Variants in SLCO3A1 observed in about 807,000 individuals in gnomAD.
SLCO3A1 encodes the protein solute carrier organic anion transporter family member 3A1.
Under a neutral mutation model 63.1 loss-of-function variants are expected in SLCO3A1, and 27 were observed. The ratio of observed to expected loss-of-function variants is 0.43; its 90% confidence interval spans 0.32 to 0.59. The LOEUF (loss-of-function observed/expected upper bound fraction) is 0.59. Ranked by LOEUF, SLCO3A1 falls within the 20% of genes least tolerant of loss-of-function variation. SLCO3A1 has a pLI of 0.09. For missense variants in SLCO3A1, 773 were observed against 945.8 expected, an observed-to-expected ratio of 0.82 and a Z score of 2.40; for synonymous variants, 473 against 409.9, an observed-to-expected ratio of 1.15 and a Z score of -1.86.
chr15:92,163,789 G>T lies in SLCO3A1; in HGVS notation c.*654G>T. The T allele has an allele frequency of 1.0e-6, 1 of 985,492 alleles. No homozygotes were observed. Among genetic ancestry groups the T allele is most frequent in the East Asian group, 1.1e-4 (1 of 8,792 alleles). The allele number at this position is 985,492 out of a possible 1,614,324, so 61.0% of individuals were successfully genotyped here. A position where few individuals can be genotyped will look rare whatever the true frequency, so the allele number is the denominator to read the frequency against. The stretch of plus-strand genomic sequence containing the variant: ...TCAGTGATGCTAATGGGTGATCCGT[G>T]CTGGAGTTTGTAATTGGCACCTCTC... On this transcript the variant is annotated 3_prime_UTR_variant, in exon 10 of 10. Transcript: ENST00000318445.
At chr15:92,034,791 T>G (rs1438992997) in intron 2 of SLCO3A1, among the ~76,000 whole-genome samples, 1 of 151,990 alleles carries the variant, frequency 6.6e-6, no homozygotes, top group African/African-American at 2.4e-5. Context: ...CTATGGGAAC[T>G]GTCATTGAGA....
intron 2 of SLCO3A1, among the ~76,000 whole-genome samples, chr15:92,093,439 C>T (rs1351229488): frequency 6.6e-6 from 1 of 152,152 alleles, no homozygotes; most frequent in Non-Finnish European, 1.5e-5. Flanking sequence ...GGGGTCTGCC[C>T]CCATGATCTA....
At chr15:92,050,654 A>T (rs1404869125) in intron 2 of SLCO3A1, among the ~76,000 whole-genome samples, 1 of 152,160 alleles carries the variant, frequency 6.6e-6, no homozygotes, top group Non-Finnish European at 1.5e-5. Flanking sequence ...CACTACCACC[A>T]ACCATATCAT....
intron 1 of SLCO3A1, 87 bp from the exon 2 acceptor site, chr15:91,915,906 T>A: frequency 8.7e-7 from 1 of 1,154,518 alleles, no homozygotes; most frequent in South Asian, 1.3e-5. Context: ...CCGGGGGGGA[T>A]GGGCAGAGCG....
At chr15:91,959,133 G>A (rs1900343299) in intron 2 of SLCO3A1, among the ~76,000 whole-genome samples, 1 of 152,178 alleles carries the variant, frequency 6.6e-6, no homozygotes, top group Non-Finnish European at 1.5e-5. Flanking sequence ...CTTGGATGGA[G>A]CTGGAGGCTG....
At chr15:91,951,101 C>T (rs983770915) in intron 2 of SLCO3A1, among the ~76,000 whole-genome samples, 2 of 152,064 alleles carry the variant, frequency 1.3e-5, no homozygotes, top group Non-Finnish European at 2.9e-5. Flanking sequence ...CAAAATTCAC[C>T]CTTTTAAATT....
intron 2 of SLCO3A1, among the ~76,000 whole-genome samples, chr15:92,085,168 C>T (rs754605880): frequency 5.9e-5 from 9 of 152,304 alleles, no homozygotes; most frequent in South Asian, 2.1e-4. Context: ...AGTACTTGGA[C>T]GCACATCCAG....
In SLCO3A1 at chr15:92,139,488, C is replaced by T. The variant is rs1445016781; in HGVS notation, c.1513-7496C>T. 4.6e-5 allele frequency among the ~76,000 whole-genome samples: 7 copies of T among 152,222 alleles called. 1 individual carries two copies. The highest frequency in any genetic ancestry group is 4.4e-5 in the Non-Finnish European group (3 of 68,018). ...TTTGGTGTCAGAATGATGCTGGCCT[C>T]ATAAAATGAGTTAGGGAGGATTCCC... On this transcript the variant is annotated intron_variant, in intron 7 of 9. Transcript: ENST00000318445.
At chr15:91,864,391 A>G (rs1897117062) in intron 1 of SLCO3A1, among the ~76,000 whole-genome samples, 1 of 152,122 alleles carries the variant, frequency 6.6e-6, no homozygotes, top group South Asian at 2.1e-4. Flanking sequence ...GATAGTTTTA[A>G]TTTTGGGAAT....
intron 7 of SLCO3A1, among the ~76,000 whole-genome samples, chr15:92,135,762 A>G (rs949924467): frequency 2.6e-5 from 4 of 152,220 alleles, no homozygotes; most frequent in African/African-American, 9.6e-5. Context: ...GTTCTTTGAT[A>G]TCTCAGCTAT....
At chr15:92,043,287 G>C (rs532715714) in intron 2 of SLCO3A1, among the ~76,000 whole-genome samples, 2 of 152,174 alleles carry the variant, frequency 1.3e-5, no homozygotes, top group African/African-American at 4.8e-5. Flanking sequence ...TTTCATGGAC[G>C]GCATTGCCCA....
intron 2 of SLCO3A1, among the ~76,000 whole-genome samples, chr15:91,994,326 C>CT (rs199963311): frequency 1.3e-4 from 20 of 150,948 alleles, no homozygotes; most frequent in South Asian, 8.4e-4. Context: ...AAAATTTTGT[C>CT]TTTTTTTTTG....
chr15:91,954,769 C>G lies in SLCO3A1; in HGVS notation c.646+38311C>G, dbSNP rs975734382. Among the ~76,000 whole-genome samples, 1 of 152,070 alleles carries G rather than the reference C, an allele frequency of 6.6e-6. No homozygotes were observed. Among genetic ancestry groups the G allele is most frequent in the Admixed American group, 6.6e-5 (1 of 15,264 alleles). ...GCGAAGCACCCTCTGCTTCCTCCTT[C>G]CTTCTCCAACAGCAAGGATCCGAGG... On this transcript the variant is annotated intron_variant, in intron 2 of 9. Coordinates refer to ENST00000318445, the MANE Select transcript of SLCO3A1 (RefSeq NM_013272.4). This position sits in a 1 kb window ranked among gnomAD's most constrained non-coding sequence, Gnocchi z 4.7.
intron 1 of SLCO3A1, among the ~76,000 whole-genome samples, chr15:91,870,881 T>G (rs1897264614): frequency 6.6e-6 from 1 of 152,168 alleles, no homozygotes; most frequent in East Asian, 1.9e-4. Flanking sequence ...TCTTTTTTTT[T>G]TCCCTTTTTT....
chr15:91,994,591 GGTTAA>G (rs72509722), intron 2 of SLCO3A1, among the ~76,000 whole-genome samples: 20,431 of 152,108 alleles, frequency 0.13, 1,497 homozygotes, highest in South Asian at 0.16. Context: ...TGAAGTGCAG[GGTTAA>G]GTTAAGAGAA....
rs974244700 is a variant in SLCO3A1 at position 91,889,185 on chromosome 15, A to T, written c.181-26808A>T. The T allele has an allele frequency of 3.5e-5, 45 of 1,285,734 alleles. No individual in the cohort carries two copies. In the Admixed American group the frequency reaches 1.0e-3, roughly 29 times the overall value. The allele number at this position is 1,285,734 out of a possible 1,614,324, so 79.6% of individuals were successfully genotyped here. On this transcript the variant is annotated intron_variant, in intron 1 of 9. Transcript: ENST00000318445. ...CTTGACTGATGTCATAACACTGGAG[A>T]TGCATGCTCCTTAGATGAATGTAAG...
intron 2 of SLCO3A1, among the ~76,000 whole-genome samples, chr15:91,982,290 T>C (rs911747703): frequency 3.9e-5 from 6 of 152,266 alleles, no homozygotes; most frequent in African/African-American, 1.4e-4. Flanking sequence ...AGTTTTAAGA[T>C]GGCTTAGCCC....
intron 4 of SLCO3A1, among the ~76,000 whole-genome samples, chr15:92,116,381 C>T (rs1247871797): frequency 6.6e-6 from 1 of 152,236 alleles, no homozygotes; most frequent in African/African-American, 2.4e-5. Context: ...TCCTGCCGCT[C>T]TTTCCACCTT....
chr15:92,038,670 A>G (rs1290837802), intron 2 of SLCO3A1, among the ~76,000 whole-genome samples: 1 of 152,216 alleles, frequency 6.6e-6, no homozygotes, highest in Non-Finnish European at 1.5e-5. Flanking sequence ...GAAAATGGCC[A>G]TACTGCCCAA....
Sources: allele counts gnomAD v4.1 joint callset (sites outside exome capture counted in the v4.1 genomes callset), GRCh38; gene constraint gnomAD v4.1.1; non-coding constraint Gnocchi (gnomAD v3.1); transcripts MANE v1.5; gene names NCBI Gene and HGNC (gene_info 2026-07-23, HGNC 2026-07-21).